The following SLFN11 variants were observed in gnomAD, a reference collection of about 807,000 sequenced individuals.
The protein encoded by SLFN11 is schlafen family member 11.
In SLFN11, 43 loss-of-function variants were observed where a neutral mutation model predicts 53.4. The observed-to-expected ratio is 0.80, with a 90% CI of 0.63 to 1.04. The LOEUF (loss-of-function observed/expected upper bound fraction) is 1.04. SLFN11 is among the 50% of genes least tolerant of loss of function. The probability of loss-of-function intolerance (pLI) is 0.00; values close to 1 mark genes in which losing one functional copy is unlikely to be tolerated. For missense variants in SLFN11, 990 were observed against 1,079.1 expected (o/e 0.92, Z 1.16); for synonymous variants, 389 against 394.7 (o/e 0.99, Z 0.17).
chr17:35,363,641 G>A lies in SLFN11; in HGVS notation c.167C>T (p.Ser56Leu). The change falls in exon 4 of 7, where the codon TCA (serine) becomes TTA (leucine). Residue 56 changes from serine to leucine, a missense_variant. Transcript: ENST00000685675. ...GGCCATTCGAATCACTCCTCCTCCTGAGTTTAATAAAGCACATGCAGCCCG... is the reference window on the plus strand; with the variant it reads ...GGCCATTCGAATCACTCCTCCTCCTAAGTTTAATAAAGCACATGCAGCCCG... The part of the protein sequence containing the change: ...VMRAACALLN[S>L]GGGVIRMAKK... 6.2e-7 allele frequency: 1 copy of A among 1,613,848 alleles called. No homozygotes were observed. The highest frequency in any genetic ancestry group is 1.1e-5 in the South Asian group (1 of 91,042).
intron 5 of SLFN11, among the ~76,000 whole-genome samples, chr17:35,358,583 A>C (rs1156318388): frequency 6.6e-6 from 1 of 151,830 alleles, no homozygotes; most frequent in African/African-American, 2.4e-5. Context: ...ACTATAGGTT[A>C]CTATTTTATT....
At chr17:35,371,001 A>G (rs760363217) in intron 1 of SLFN11, among the ~76,000 whole-genome samples, 11 of 152,112 alleles carry the variant, frequency 7.2e-5, no homozygotes, top group Non-Finnish European at 1.2e-4. Flanking sequence ...CAAAAGACCT[A>G]TAATAGCCAA....
chr17:35,363,706 C>T lies in SLFN11; in HGVS notation c.102G>A (p.Leu34=). The change falls in exon 4 of 7, where the codon CTG becomes CTA. Residue 34 remains leucine (L), a synonymous_variant. Coordinates refer to ENST00000685675, the MANE Select transcript of SLFN11 (RefSeq NM_001376007.1). ...TCTCTTGGTCTCTCTGAATTTTCTG[C>T]AGCTTTTTTCTGTTTTCTTCTCCAA... ...VTLGEENRKK[L]QKIQRDQEKE... The T allele has an allele frequency of 6.2e-7, 1 of 1,613,958 alleles. No homozygotes were observed. The highest frequency in any genetic ancestry group is 8.5e-7 in the Non-Finnish European group (1 of 1,179,970).
rs1294320792 is a variant in SLFN11 at position 35,353,619 on chromosome 17, T to A, written c.1639A>T (p.Met547Leu). The A allele has an allele frequency of 5.3e-6, 6 of 1,134,478 alleles. No homozygotes were observed. Among genetic ancestry groups the A allele is most frequent in the East Asian group, 5.2e-5 (2 of 38,286 alleles). 70.3% of individuals were successfully genotyped at this position (1,134,478 alleles called of 1,614,324 possible). ...ASYSLAGTQH[M>L]EALLQSLVIV... is the part of the protein sequence containing the mutation. ...ACGAGGGACTGCAGCAGGGCTTCCA[T>A]GTGCTGGGTGCCTGCAAGGCTATAG... Residue 547 changes from methionine to leucine, a missense_variant, in exon 6 of 7, where the codon ATG becomes TTG. Met to Leu is a conservative substitution (Grantham distance 15). Transcript: ENST00000685675.
intron 4 of SLFN11, among the ~76,000 whole-genome samples, chr17:35,361,152 G>GGT (rs1282018887): frequency 2.0e-5 from 3 of 152,014 alleles, no homozygotes; most frequent in African/African-American, 7.2e-5. Context: ...CCAGGCTTAG[G>GGT]GTGTTCTCAG....
chr17:35,363,256 G>A lies in SLFN11; in HGVS notation c.552C>T (p.Asp184=), dbSNP rs1908490298. ...YQELPNSDPA[D]PNSDPADLIF... ...TTAGGTCAGCAGGATCCGAGTTTGG[G>A]TCAGCAGGATCCGAGTTAGGGAGCT... The change falls in exon 4 of 7, where the codon GAC becomes GAT. Residue 184 remains aspartate (D), a synonymous_variant. Coordinates refer to ENST00000685675, the MANE Select transcript of SLFN11 (RefSeq NM_001376007.1). The A allele has an allele frequency of 6.2e-7, 1 of 1,614,060 alleles. No individual in the cohort carries two copies. The highest frequency in any genetic ancestry group is 8.5e-7 in the Non-Finnish European group (1 of 1,179,990).
chr17:35,356,301 A>G (rs145689626), intron 5 of SLFN11, among the ~76,000 whole-genome samples: 156 of 152,264 alleles, frequency 1.0e-3, no homozygotes, highest in Non-Finnish European at 1.9e-3. Context: ...GTTTACCACC[A>G]TTAATGTTCA....
intron 5 of SLFN11, among the ~76,000 whole-genome samples, chr17:35,357,837 A>G (rs1405777942): frequency 6.9e-6 from 1 of 145,274 alleles, no homozygotes; most frequent in Non-Finnish European, 1.5e-5. Context: ...AAATAATAAA[A>G]TTAAAAATAT....
In SLFN11 at chr17:35,350,453, T is replaced by C. The variant is rs1196533777; in HGVS notation, c.*1903A>G. ...AAAATTCATAATTATTTATACATTTTAAAATATTATATTGTTTCAAATATT... is the reference window on the plus strand; with the variant it reads ...AAAATTCATAATTATTTATACATTTCAAAATATTATATTGTTTCAAATATT... On this transcript the variant is annotated 3_prime_UTR_variant, in exon 7 of 7. Coordinates refer to ENST00000685675, the MANE Select transcript of SLFN11 (RefSeq NM_001376007.1). 6.6e-6 allele frequency: 1 copy of C among 152,204 alleles called. No individual in the cohort carries two copies. The highest frequency in any genetic ancestry group is 1.5e-5 in the Non-Finnish European group (1 of 68,038). 9.4% of individuals were successfully genotyped at this position (152,204 alleles called of 1,614,324 possible).
chr17:35,369,998 TAC>T (rs1403813298), intron 1 of SLFN11, among the ~76,000 whole-genome samples: 1 of 152,088 alleles, frequency 6.6e-6, no homozygotes, highest in Non-Finnish European at 1.5e-5. Flanking sequence ...AGGGAATACT[TAC>T]AAACTCATTC....
chr17:35,364,516 G>A (rs1242160878), intron 3 of SLFN11, among the ~76,000 whole-genome samples: 1 of 152,108 alleles, frequency 6.6e-6, no homozygotes, highest in Non-Finnish European at 1.5e-5. Flanking sequence ...GTAAAATTAA[G>A]GTTATTGGTG....
rs749269422 is a variant in SLFN11 at position 35,352,689 on chromosome 17, A to G, written c.2373T>C (p.Cys791=). 1.2e-6 allele frequency: 2 copies of G among 1,614,098 alleles called. No individual in the cohort carries two copies. Among genetic ancestry groups the G allele is most frequent in the African/African-American group, 2.7e-5 (2 of 74,916 alleles). Residue 791 remains cysteine (C), a synonymous_variant, in exon 7 of 7, where the codon TGT becomes TGC. Coordinates refer to ENST00000685675, the MANE Select transcript of SLFN11 (RefSeq NM_001376007.1). The stretch of plus-strand genomic sequence containing the variant: ...AGAAGCGCCTGCACGTGTCTGCCAC[A>G]CAGGTCATTATTTGCTCCACAGTCA... ...KYLTVEQIMT[C]VADTCRRFFD... is the part of the protein sequence containing the mutation.
rs1202354299 is a variant in SLFN11 at position 35,352,873 on chromosome 17, A to C, written c.2189T>G (p.Ile730Arg). 2 of 1,614,012 alleles carry C rather than the reference A, an allele frequency of 1.2e-6. No homozygotes were observed. The highest frequency in any genetic ancestry group is 1.7e-6 in the Non-Finnish European group (2 of 1,180,034). Reference sequence around the variant, plus strand: ...GGCTATTGGATCTGCATTGCGAACTATTCTGGTGAGCTCTTCTCTTGGATA... The same window carrying C: ...GGCTATTGGATCTGCATTGCGAACTCTTCTGGTGAGCTCTTCTCTTGGATA... Reference protein sequence around the residue: ...DQYPREELTRIVRNADPIAKY... With the variant: ...DQYPREELTRRVRNADPIAKY... The change falls in exon 7 of 7, where the codon ATA (isoleucine) becomes AGA (arginine). Residue 730 changes from isoleucine to arginine, a missense_variant. Physicochemically the swap from Ile to Arg is moderately conservative, Grantham distance 97. This residue lies in a region of SLFN11 where 313 missense variants were observed against 320.9 expected (regional missense o/e 0.98). Coordinates refer to ENST00000685675, the MANE Select transcript of SLFN11 (RefSeq NM_001376007.1).
Position 35,362,785 on chromosome 17 carries a change from G to A in SLFN11, c.1023C>T (p.Ser341=). Residue 341 remains serine (S), a synonymous_variant, in exon 4 of 7, where the codon AGC becomes AGT. Transcript: ENST00000685675. ...SWIVEDKYVC[S]LTTEKWVGMM... is the part of the protein sequence containing the mutation. ...TGCCTACCCATTTCTCGGTTGTCAGGCTGCAGACGTACTTGTCCTCCACTA... is the reference window on the plus strand; with the variant it reads ...TGCCTACCCATTTCTCGGTTGTCAGACTGCAGACGTACTTGTCCTCCACTA... The A allele has an allele frequency of 6.3e-7, 1 of 1,596,426 alleles. No individual in the cohort carries two copies. Among genetic ancestry groups the A allele is most frequent in the Non-Finnish European group, 8.5e-7 (1 of 1,171,868 alleles).
intron 5 of SLFN11, among the ~76,000 whole-genome samples, chr17:35,355,277 G>T (rs1266260399): frequency 6.6e-6 from 1 of 152,078 alleles, no homozygotes; most frequent in Non-Finnish European, 1.5e-5. Context: ...CTATGGGCCT[G>T]TAGTTCCAGC....
At chr17:35,370,548 G>A (rs769961441) in intron 1 of SLFN11, among the ~76,000 whole-genome samples, 3 of 152,014 alleles carry the variant, frequency 2.0e-5, no homozygotes, top group African/African-American at 7.2e-5. Flanking sequence ...CTTGTTTGCA[G>A]GTGATATGAT....
At position 35,368,004 on chromosome 17, in the gene SLFN11, C is replaced by A. The variant is rs554686858; in HGVS notation, c.-234-304G>T. 1.1e-3 allele frequency among the ~76,000 whole-genome samples: 175 copies of A among 152,190 alleles called. 1 individual carries two copies. Among genetic ancestry groups the A allele is most frequent in the African/African-American group, 3.6e-3 (150 of 41,534 alleles). On this transcript the variant is annotated intron_variant, in intron 1 of 6. Transcript: ENST00000685675. The stretch of plus-strand genomic sequence containing the variant: ...TGGGTAGCATCTGTGCATTTCTCCC[C>A]TGCCAAGAAGGCTTACCTAGTTTGC...
Position 35,363,752 on chromosome 17 carries a change from ATGACCAGG to A in SLFN11, c.48_55del (p.Leu17GlnfsTer49), listed in dbSNP as rs1312069863. On this transcript the variant is annotated frameshift_variant, in exon 4 of 7. Transcript: ENST00000685675. LOFTEE classifies it high-confidence loss of function. ...TCCAAGAGTCACTTCTCCTACATTG[ATGACCAGG>A]TCTGGGTAAGATGGTTCCACAACCA... The A allele has an allele frequency of 6.2e-7, 1 of 1,611,988 alleles. No homozygotes were observed. Among genetic ancestry groups the A allele is most frequent in the African/African-American group, 1.3e-5 (1 of 74,956 alleles).
Position 35,354,002 on chromosome 17 carries a change from T to TCTGAGGAGGAC in SLFN11, c.1255_1256insGTCCTCCTCAG (p.Glu419GlyfsTer9). On this transcript the variant is annotated frameshift_variant, in exon 6 of 7. Transcript: ENST00000685675. LOFTEE classifies it high-confidence loss of function. ...TATTAACTCCTCTAGTCCTCTGTGC[T>TCTGAGGAGGAC]CTGAGATCAGGTCCCTCCAGAGTGA... 1 of 1,613,914 alleles carries TCTGAGGAGGAC rather than the reference T, an allele frequency of 6.2e-7. No homozygotes were observed. The highest frequency in any genetic ancestry group is 8.5e-7 in the Non-Finnish European group (1 of 1,179,944).
Sources: gnomAD v4.1 joint callset for allele counts (sites outside exome capture counted in the v4.1 genomes callset) on GRCh38, gnomAD v4.1.1 for gene constraint, gnomAD v4.1.1 regional missense constraint, MANE v1.5 for transcripts, NCBI Gene and HGNC (gene_info 2026-07-23, HGNC 2026-07-21) for gene names.